The following MCM3 variants were observed in gnomAD, a reference collection of about 807,000 sequenced individuals.
The protein encoded by MCM3 is minichromosome maintenance complex component 3.
A neutral mutation model predicts 91.3 loss-of-function variants in MCM3; 59 were observed. The observed-to-expected ratio is 0.65, with a 90% CI of 0.52 to 0.80. The LOEUF (loss-of-function observed/expected upper bound fraction) is 0.80. MCM3 is among the 30% of genes least tolerant of loss of function. The pLI is 0.00. For missense variants in MCM3, 919 were observed against 1,035.4 expected, an observed-to-expected ratio of 0.89 and a Z score of 1.54; for synonymous variants, 383 against 379.6, an observed-to-expected ratio of 1.01 and a Z score of -0.10.
intron 4 of MCM3, among the ~76,000 whole-genome samples, chr6:52,280,489 CAGGAGACT>C (rs1381096751): frequency 1.3e-5 from 2 of 152,184 alleles, no homozygotes; most frequent in Non-Finnish European, 2.9e-5. Context: ...ACAAGGAAAC[CAGGAGACT>C]AGGAGAGATT....
intron 5 of MCM3, 112 bp from the exon 6 acceptor site, chr6:52,278,962 T>TA (rs1243421770): frequency 1.5e-5 from 10 of 668,670 alleles, no homozygotes; most frequent in African/African-American, 1.1e-4. Flanking sequence ...ACCAGCCAAT[T>TA]AGAGTTGGTG....
Position 52,264,688 on chromosome 6 carries a change from C to T in MCM3, c.2327G>A (p.Ser776Asn), listed in dbSNP as rs1203199052. ...NRLTESINRDSEEPFSSVEIQ... is the reference protein window; with the variant it reads ...NRLTESINRDNEEPFSSVEIQ... ...CTCAACTGAAGAGAAGGGCTCTTCGCTGTCCCGGTTGATGGATTCTGTGAG... is the reference window on the plus strand; with the variant it reads ...CTCAACTGAAGAGAAGGGCTCTTCGTTGTCCCGGTTGATGGATTCTGTGAG... Residue 776 changes from serine to asparagine, a missense_variant, in exon 17 of 17, where the codon AGC (serine) becomes AAC (asparagine). Transcript: ENST00000596288. 1.2e-6 allele frequency: 2 copies of T among 1,614,194 alleles called. No individual in the cohort carries two copies. The highest frequency in any genetic ancestry group is 1.3e-5 in the African/African-American group (1 of 75,054).
At position 52,264,714 on chromosome 6, in the gene MCM3, G is replaced by A. The variant is rs1764498454; in HGVS notation, c.2301C>T (p.Arg767=). The A allele has an allele frequency of 1.9e-6, 3 of 1,614,170 alleles. No homozygotes were observed. Among genetic ancestry groups the A allele is most frequent in the Non-Finnish European group, 2.5e-6 (3 of 1,180,038 alleles). ...EAHAQSIGMN[R]LTESINRDSE... is the part of the protein sequence containing the mutation. ...TGTCCCGGTTGATGGATTCTGTGAGGCGATTCATGCCGATTGACTGCGCAT... is the reference window on the plus strand; with the variant it reads ...TGTCCCGGTTGATGGATTCTGTGAGACGATTCATGCCGATTGACTGCGCAT... The change falls in exon 17 of 17, where the codon CGC becomes CGT. Residue 767 remains arginine (R), a synonymous_variant. Transcript: ENST00000596288.
chr6:52,281,976 T>C lies in MCM3; in HGVS notation c.531+69A>G, dbSNP rs983202621. ...AAAAAAGACTTCAGATATTACACAA[T>C]TCCTTGCCTTAAAACAGGTATCTTT... On this transcript the variant is annotated intron_variant, in intron 4 of 16. Coordinates refer to ENST00000596288, the MANE Select transcript of MCM3 (RefSeq NM_002388.6). 7.9e-6 allele frequency: 12 copies of C among 1,525,502 alleles called. No homozygotes were observed. In the Admixed American group the frequency reaches 1.9e-4, roughly 24 times the overall value. 94.5% of individuals were successfully genotyped at this position (1,525,502 alleles called of 1,614,324 possible). A position where few individuals can be genotyped will look rare whatever the true frequency, so the allele number is the denominator to read the frequency against.
chr6:52,284,463 G>C, intron 1 of MCM3, 134 bp downstream of exon 1: 1 of 718,074 alleles, frequency 1.4e-6, no homozygotes, highest in Non-Finnish European at 2.2e-6. Flanking sequence ...TACAAGATTG[G>C]GGCTGGAGGC....
Position 52,264,499 on chromosome 6 carries a change from G to A in MCM3, c.*89C>T. 1 of 1,376,036 alleles carries A rather than the reference G, an allele frequency of 7.3e-7. No individual in the cohort carries two copies. The highest frequency in any genetic ancestry group is 1.0e-6 in the Non-Finnish European group (1 of 972,288). 85.2% of individuals were successfully genotyped at this position (1,376,036 alleles called of 1,614,324 possible). On this transcript the variant is annotated 3_prime_UTR_variant, in exon 17 of 17. Transcript: ENST00000596288. ...TCAGTTGAATTCAACACTGTTAAGG[G>A]AGTAGAGGCAAAGACTTGGGTCAGG...
intron 10 of MCM3, 110 bp from the exon 11 acceptor site, chr6:52,273,466 C>T: frequency 8.7e-7 from 1 of 1,155,500 alleles, no homozygotes; most frequent in South Asian, 1.5e-5. Flanking sequence ...AAAGAAAGGG[C>T]CCAAAAAGAA....
intron 8 of MCM3, 138 bp downstream of exon 8, chr6:52,276,929 A>T: frequency 1.1e-6 from 1 of 944,548 alleles, no homozygotes; most frequent in Non-Finnish European, 1.6e-6. Flanking sequence ...TTCACCCACC[A>T]TTGCTGAATA....
At chr6:52,265,926 A>G in intron 16 of MCM3, 149 bp downstream of exon 16, 1 of 560,516 alleles carries the variant, frequency 1.8e-6, no homozygotes, top group South Asian at 2.7e-5. Flanking sequence ...AAATTAAATG[A>G]GAATATAAAA....
rs70977337 is a variant in MCM3, at chr6:52,267,096, C to CTTTTTTTTTTTTTTTT, written c.2073-416_2073-401dup. On this transcript the variant is annotated intron_variant, in intron 14 of 16. Transcript: ENST00000596288. The stretch of plus-strand genomic sequence containing the variant: ...CCTTCTCTTTTACCCAGGGTATCTT[C>CTTTTTTTTTTTTTTTT]TTTTTTTTTTTTTTTTGAGACGGAC... 9.9e-5 allele frequency among the ~76,000 whole-genome samples: 11 copies of CTTTTTTTTTTTTTTTT among 111,578 alleles called. 1 individual carries two copies. The highest frequency in any genetic ancestry group is 2.7e-4 in the African/African-American group (8 of 29,724). 73.2% of individuals were successfully genotyped at this position (111,578 alleles called of 152,430 possible). A position where few individuals can be genotyped will look rare whatever the true frequency, so the allele number is the denominator to read the frequency against.
At chr6:52,276,647 C>T (rs1168833073) in intron 8 of MCM3, among the ~76,000 whole-genome samples, 171 bp from the exon 9 acceptor site, 1 of 152,122 alleles carries the variant, frequency 6.6e-6, no homozygotes, top group African/African-American at 2.4e-5. Context: ...CTTTTCAGCT[C>T]TAATCTAAAT....
chr6:52,266,626 C>T lies in MCM3; in HGVS notation c.2143G>A (p.Glu715Lys). The change falls in exon 15 of 17, where the codon GAG becomes AAG. Residue 715 changes from glutamate (E) to lysine (K), a missense_variant. Glu to Lys is a moderately conservative substitution (Grantham distance 56). This residue lies in a region of MCM3 where 285 missense variants were observed against 311.4 expected (regional missense o/e 0.92). Coordinates refer to ENST00000596288, the MANE Select transcript of MCM3 (RefSeq NM_002388.6). ...GCTCACTCACCTTGAGGCATTTCCT[C>T]CTCTGTGTCACTGAAGTCATAGGGG... Reference protein sequence around the residue: ...YDPYDFSDTEEEMPQVHTPKT... With the variant: ...YDPYDFSDTEKEMPQVHTPKT... The T allele has an allele frequency of 6.2e-7, 1 of 1,614,114 alleles. No homozygotes were observed. The highest frequency in any genetic ancestry group is 8.5e-7 in the Non-Finnish European group (1 of 1,179,980).
In MCM3 at chr6:52,272,466, A is replaced by G. The variant is rs1306878965; in HGVS notation, c.1677-15T>C. Reference sequence around the variant, plus strand: ...CCATCTTCTCCCTGGAGCCACACACAGTGAATTCCATCTCCCTGCCACACC... The same window carrying G: ...CCATCTTCTCCCTGGAGCCACACACGGTGAATTCCATCTCCCTGCCACACC... On this transcript the variant is annotated splice_polypyrimidine_tract_variant and intron_variant, in intron 11 of 16. Coordinates refer to ENST00000596288, the MANE Select transcript of MCM3 (RefSeq NM_002388.6). 3.1e-6 allele frequency: 5 copies of G among 1,613,696 alleles called. No homozygotes were observed. The highest frequency in any genetic ancestry group is 4.2e-6 in the Non-Finnish European group (5 of 1,179,850).
At chr6:52,265,300 C>A (rs566400768) in intron 16 of MCM3, 2 of 437,862 alleles carry the variant, frequency 4.6e-6, no homozygotes, top group African/African-American at 2.0e-5. Context: ...TGCCTGTAAT[C>A]CCAGCCTTTT....
At chr6:52,276,212 T>C (rs946479998) in intron 9 of MCM3, 56 bp downstream of exon 9, 2 of 1,500,434 alleles carry the variant, frequency 1.3e-6, no homozygotes, top group East Asian at 4.8e-5. Flanking sequence ...TCAGCCCAGT[T>C]AGTCAGCAAA....
In MCM3 at chr6:52,264,492, G is replaced by A; in HGVS notation, c.*96C>T. On this transcript the variant is annotated 3_prime_UTR_variant, in exon 17 of 17. Coordinates refer to ENST00000596288, the MANE Select transcript of MCM3 (RefSeq NM_002388.6). ...CTCGCCTTCAGTTGAATTCAACACT[G>A]TTAAGGGAGTAGAGGCAAAGACTTG... 1 of 1,334,284 alleles carries A rather than the reference G, an allele frequency of 7.5e-7. No homozygotes were observed. Among genetic ancestry groups the A allele is most frequent in the Non-Finnish European group, 1.1e-6 (1 of 938,284 alleles). The allele number at this position is 1,334,284 out of a possible 1,614,324, so 82.7% of individuals were successfully genotyped here. A position where few individuals can be genotyped will look rare whatever the true frequency, so the allele number is the denominator to read the frequency against.
intron 4 of MCM3, 131 bp from the exon 5 acceptor site, chr6:52,279,730 C>T: frequency 1.4e-6 from 1 of 692,620 alleles, no homozygotes. Context: ...CAAGTACCTT[C>T]TCTAGCTTTT....
At chr6:52,264,838 TCAGGAAA>T (rs1294772900) in intron 16 of MCM3, 52 bp from the exon 17 acceptor site, 1 of 1,499,682 alleles carries the variant, frequency 6.7e-7, no homozygotes, top group African/African-American at 1.4e-5. Flanking sequence ...CCAAATGCTC[TCAGGAAA>T]CAGCTATACT....
At chr6:52,278,460 T>C (rs532100789) in intron 6 of MCM3, among the ~76,000 whole-genome samples, 2 of 152,318 alleles carry the variant, frequency 1.3e-5, no homozygotes, top group Admixed American at 6.5e-5. Context: ...CAGTAATAAA[T>C]AGACTTACTG....
Sources: allele counts gnomAD v4.1 joint callset (sites outside exome capture counted in the v4.1 genomes callset), GRCh38; gene constraint gnomAD v4.1.1; regional missense constraint gnomAD v4.1.1; transcripts MANE v1.5; gene names NCBI Gene and HGNC (gene_info 2026-07-23, HGNC 2026-07-21).